Variants in RIN2 observed in about 807,000 individuals in gnomAD.
RIN2 encodes RAB5 interacting protein 2.
RIN2 carries 36 observed loss-of-function variants against 78.0 expected under a neutral mutation model. The observed-to-expected ratio is 0.46, with a 90% CI of 0.35 to 0.61. RIN2 has a LOEUF of 0.61. Among genes scored for constraint, RIN2 ranks in the 20% least tolerant of loss-of-function variants. The pLI is 0.00. For missense variants in RIN2, 1,087 were observed against 1,159.7 expected, an observed-to-expected ratio of 0.94 and a Z score of 0.91; for synonymous variants, 466 against 466.8, an observed-to-expected ratio of 1.00 and a Z score of 0.02.
intron 2 of RIN2, among the ~76,000 whole-genome samples, chr20:19,869,902 C>T (rs13045953): frequency 0.045 from 6,811 of 152,026 alleles, 454 homozygotes; most frequent in African/African-American, 0.15. Context: ...CCCGCCTGGG[C>T]GTCCCAAAGC....
At chr20:19,957,631 T>G (rs752812732) in intron 5 of RIN2, among the ~76,000 whole-genome samples, 1 of 152,114 alleles carries the variant, frequency 6.6e-6, no homozygotes, top group Non-Finnish European at 1.5e-5. Context: ...GAGCAGAGAT[T>G]GTGCCACTGC....
rs73901286 is a variant in RIN2 at position 19,773,179 on chromosome 20, C to T, written c.-163+14852C>T. On this transcript the variant is annotated intron_variant, in intron 1 of 12. Coordinates refer to ENST00000255006, the MANE Select transcript of RIN2 (RefSeq NM_018993.4). The stretch of plus-strand genomic sequence containing the variant: ...CAGTCCTCCATGCTCACACATTCTC[C>T]CTGAGTGTCCTCACATCGTCCTCCA... Among the ~76,000 whole-genome samples the T allele has an allele frequency of 2.2e-3, 330 of 152,274 alleles. 1 individual carries two copies. Among genetic ancestry groups the T allele is most frequent in the African/African-American group, 7.4e-3 (306 of 41,550 alleles).
At chr20:19,814,998 G>A (rs772476152) in intron 2 of RIN2, among the ~76,000 whole-genome samples, 1 of 152,176 alleles carries the variant, frequency 6.6e-6, no homozygotes, top group Non-Finnish European at 1.5e-5. Flanking sequence ...GCTTGATCAT[G>A]TAATATTTAT....
chr20:19,951,692 G>A lies in RIN2; in HGVS notation c.159-4923G>A, dbSNP rs1312739984. 2.6e-5 allele frequency among the ~76,000 whole-genome samples: 4 copies of A among 152,132 alleles called. No homozygotes were observed. The East Asian group carries it at 7.7e-4, about 29-fold the overall frequency. On this transcript the variant is annotated intron_variant, in intron 4 of 12. Coordinates refer to ENST00000255006, the MANE Select transcript of RIN2 (RefSeq NM_018993.4). ...GCATTGATTACTACCTGGTGGTGAA[G>A]GTATTGTTATTTACTATTTTCAGAT...
chr20:19,866,750 G>A (rs900611323), intron 2 of RIN2, among the ~76,000 whole-genome samples: 4 of 152,016 alleles, frequency 2.6e-5, no homozygotes, highest in African/African-American at 9.7e-5. Context: ...TCAGCCTCCT[G>A]AGTAGCTGGG....
chr20:19,947,783 G>C (rs1419174590), intron 4 of RIN2, among the ~76,000 whole-genome samples: 3 of 152,260 alleles, frequency 2.0e-5, no homozygotes, highest in Non-Finnish European at 2.9e-5. Context: ...CTTGCAAGGA[G>C]AGACATGGGC....
At chr20:19,897,604 T>C (rs6515047) in intron 3 of RIN2, among the ~76,000 whole-genome samples, 1 of 151,970 alleles carries the variant, frequency 6.6e-6, no homozygotes, top group African/African-American at 2.4e-5. Context: ...CGTAACCTCC[T>C]GCTCTGGTTC....
At chr20:19,904,231 CAA>C (rs200273051) in intron 3 of RIN2, among the ~76,000 whole-genome samples, 30 of 121,100 alleles carry the variant, frequency 2.5e-4, no homozygotes, top group African/African-American at 6.7e-4. Context: ...GACTTCGTCT[CAA>C]AAAAAAAATA....
chr20:19,939,946 T>C (rs1389605229), intron 4 of RIN2, among the ~76,000 whole-genome samples: 2 of 151,652 alleles, frequency 1.3e-5, no homozygotes, highest in African/African-American at 4.8e-5. Context: ...CTCCACCTCA[T>C]AGGTTCAAGC....
intron 2 of RIN2, among the ~76,000 whole-genome samples, chr20:19,850,468 C>T (rs1026147420): frequency 3.9e-5 from 6 of 152,316 alleles, no homozygotes; most frequent in Admixed American, 6.5e-5. Context: ...ATGGTCCTCA[C>T]AAACCACTTG....
At chr20:19,861,637 A>G (rs2037342429) in intron 2 of RIN2, among the ~76,000 whole-genome samples, 1 of 150,362 alleles carries the variant, frequency 6.7e-6, no homozygotes, top group African/African-American at 2.5e-5. Context: ...ATATCTAATG[A>G]TCACCCTCCA....
chr20:19,785,157 A>C (rs1000141768), intron 1 of RIN2, among the ~76,000 whole-genome samples: 2 of 152,124 alleles, frequency 1.3e-5, no homozygotes, highest in African/African-American at 4.8e-5. Flanking sequence ...TCCAGTAAAG[A>C]AAATAGATGA....
intron 1 of RIN2, among the ~76,000 whole-genome samples, chr20:19,775,059 C>T (rs2034264895): frequency 6.6e-6 from 1 of 152,176 alleles, no homozygotes; most frequent in Non-Finnish European, 1.5e-5. Context: ...ATACAGAGTT[C>T]CACTTCGTAT....
intron 1 of RIN2, among the ~76,000 whole-genome samples, chr20:19,760,261 G>A (rs1281181284): frequency 1.3e-5 from 2 of 152,186 alleles, no homozygotes; most frequent in Non-Finnish European, 2.9e-5. Context: ...GTTGACAGGA[G>A]CTTTTGGGTT....
intron 8 of RIN2, among the ~76,000 whole-genome samples, chr20:19,974,169 C>T (rs1178574684): frequency 6.6e-6 from 1 of 152,176 alleles, no homozygotes; most frequent in African/African-American, 2.4e-5. Flanking sequence ...GGCCCAGCTG[C>T]TGGTCCTGCC....
intron 4 of RIN2, among the ~76,000 whole-genome samples, chr20:19,944,481 T>G (rs1267899618): frequency 6.6e-6 from 1 of 152,198 alleles, no homozygotes; most frequent in African/African-American, 2.4e-5. Context: ...CATCCTTGAT[T>G]CATAAGATGA....
chr20:19,916,290 G>A (rs112616500), intron 3 of RIN2, among the ~76,000 whole-genome samples: 3,707 of 152,154 alleles, frequency 0.024, 144 homozygotes, highest in African/African-American at 0.084. Flanking sequence ...AGCAGTTACT[G>A]TCCCCAGGAA....
intron 10 of RIN2, 103 bp downstream of exon 10, chr20:19,990,414 G>T: frequency 8.7e-7 from 1 of 1,150,890 alleles, no homozygotes; most frequent in East Asian, 2.6e-5. Context: ...CCTCCCTTTG[G>T]TCTCTTGATT....
At chr20:19,758,103 G>A (rs935037216), upstream of RIN2, 2 of 152,450 alleles carry the variant, frequency 1.3e-5, no homozygotes, top group African/African-American at 4.8e-5. Flanking sequence ...TGGGGGAGGG[G>A]GATGGCTCCC....
Sources: gnomAD v4.1 joint callset for allele counts (sites outside exome capture counted in the v4.1 genomes callset) on GRCh38, gnomAD v4.1.1 for gene constraint, MANE v1.5 for transcripts, NCBI Gene and HGNC (gene_info 2026-07-23, HGNC 2026-07-21) for gene names.